The following ADAMTS16 variants were observed in gnomAD, a reference collection of about 807,000 sequenced individuals.
The protein encoded by ADAMTS16 is A disintegrin and metalloproteinase with thrombospondin motifs 16.
In ADAMTS16, 94 loss-of-function variants were observed where a neutral mutation model predicts 145.8. The observed-to-expected ratio is 0.64, with a 90% CI of 0.55 to 0.77. ADAMTS16 has a LOEUF of 0.77. Among genes scored for constraint, ADAMTS16 ranks in the 30% least tolerant of loss-of-function variants. The pLI is 0.00. For missense variants in ADAMTS16, 1,585 were observed against 1,591.5 expected (o/e 1.00, Z 0.07); for synonymous variants, 659 against 604.3 (o/e 1.09, Z -1.33).
intron 11 of ADAMTS16, 71 bp downstream of exon 11, chr5:5,222,955 C>A: frequency 7.2e-7 from 1 of 1,388,188 alleles, no homozygotes; most frequent in Non-Finnish European, 1.0e-6. Context: ...CTTTGCTCCT[C>A]TTGCATAGGT....
chr5:5,182,157 C>G lies in ADAMTS16; in HGVS notation c.615C>G (p.Tyr205Ter). 1 of 1,614,192 alleles carries G rather than the reference C, an allele frequency of 6.2e-7. No homozygotes were observed. Among genetic ancestry groups the G allele is most frequent in the Non-Finnish European group, 8.5e-7 (1 of 1,180,054 alleles). The change falls in exon 4 of 23, where the codon TAC becomes TAG. Residue 205 changes from tyrosine to a stop codon, truncating the protein, a stop_gained. Transcript: ENST00000274181. LOFTEE classifies it high-confidence loss of function. ...AQGSSPSHVL[Y>*]KRSTEPHAPG... ...GCAGCTCGCCATCCCACGTACTGTA[C>G]AAGAGATCCACAGAGCCCCATGCTC...
intron 8 of ADAMTS16, among the ~76,000 whole-genome samples, chr5:5,196,082 C>T (rs1316766705): frequency 6.6e-6 from 1 of 151,706 alleles, no homozygotes; most frequent in Admixed American, 6.6e-5. Context: ...AAAAATTAGC[C>T]GAGTGTGGTG....
At chr5:5,274,473 G>T (rs1339335014) in intron 18 of ADAMTS16, among the ~76,000 whole-genome samples, 2 of 152,132 alleles carry the variant, frequency 1.3e-5, no homozygotes, top group Non-Finnish European at 2.9e-5. Context: ...AACCTCTTCA[G>T]ATTGGCTTCT....
chr5:5,239,542 A>G (rs1737217848), intron 15 of ADAMTS16, 139 bp from the exon 16 acceptor site: 3 of 1,313,946 alleles, frequency 2.3e-6, no homozygotes, highest in Non-Finnish European at 3.1e-6. Context: ...TTCTAAGGCA[A>G]CTGATCACCA....
intron 3 of ADAMTS16, among the ~76,000 whole-genome samples, chr5:5,165,617 TAGG>T (rs1734854495): frequency 6.6e-6 from 1 of 152,022 alleles, no homozygotes; most frequent in Admixed American, 6.6e-5. Context: ...GCAAAACCGG[TAGG>T]AGAAGTACCA....
chr5:5,212,493 A>G (rs551653768), intron 10 of ADAMTS16, among the ~76,000 whole-genome samples: 1 of 152,170 alleles, frequency 6.6e-6, no homozygotes, highest in Non-Finnish European at 1.5e-5. Flanking sequence ...GTGCACATAC[A>G]TTTAGGATGG....
chr5:5,312,508 T>C (rs1444718205), intron 21 of ADAMTS16, among the ~76,000 whole-genome samples: 1 of 149,796 alleles, frequency 6.7e-6, no homozygotes, highest in Admixed American at 6.7e-5. Flanking sequence ...AGTGCAGTGG[T>C]GCAATCTCAG....
rs976932161 is a variant in ADAMTS16, at chr5:5,186,136, G to A, written c.848G>A (p.Arg283Lys). 3 of 1,613,986 alleles carry A rather than the reference G, an allele frequency of 1.9e-6. No individual in the cohort carries two copies. Among genetic ancestry groups the A allele is most frequent in the Non-Finnish European group, 2.5e-6 (3 of 1,180,044 alleles). The change falls in exon 5 of 23, where the codon AGG becomes AAG. Residue 283 changes from arginine to lysine, a missense_variant. Arg to Lys is a conservative substitution (Grantham distance 26). This residue lies in a region of ADAMTS16 where 453 missense variants were observed against 412.1 expected (regional missense o/e 1.10). Coordinates refer to ENST00000274181, the MANE Select transcript of ADAMTS16 (RefSeq NM_139056.4). ...TTACGGCATAAGCGCTCTCTTCTGA[G>A]GTCCCATAGAAATGAAGAACTGAAC... ...SCLRHKRSLL[R>K]SHRNEELNVE...
intron 18 of ADAMTS16, among the ~76,000 whole-genome samples, chr5:5,290,583 G>A (rs1739268298): frequency 1.3e-5 from 2 of 152,272 alleles, no homozygotes; most frequent in South Asian, 4.1e-4. Flanking sequence ...CAGGGAGGCA[G>A]AGGTTGCAGT....
Position 5,200,167 on chromosome 5 carries a change from G to A in ADAMTS16, c.1349G>A (p.Cys450Tyr). The change falls in exon 9 of 23, where the codon TGC becomes TAC. Residue 450 changes from cysteine to tyrosine, a missense_variant. Coordinates refer to ENST00000274181, the MANE Select transcript of ADAMTS16 (RefSeq NM_139056.4). ...ATTCATGATGGAGAAGGGAACATGT[G>A]CAAAAAGTCCGAGGGCAACATCATG... ...GMIHDGEGNM[C>Y]KKSEGNIMSP... is the part of the protein sequence containing the mutation. 6.2e-7 allele frequency: 1 copy of A among 1,613,666 alleles called. No individual in the cohort carries two copies. The highest frequency in any genetic ancestry group is 8.5e-7 in the Non-Finnish European group (1 of 1,179,848).
intron 18 of ADAMTS16, among the ~76,000 whole-genome samples, chr5:5,270,594 AAC>A (rs1445498224): frequency 6.6e-6 from 1 of 152,270 alleles, no homozygotes; most frequent in Non-Finnish European, 1.5e-5. Flanking sequence ...CCATGGCAAA[AAC>A]ACAGAATAAT....
chr5:5,298,587 G>A (rs1739643497), intron 18 of ADAMTS16, among the ~76,000 whole-genome samples: 2 of 152,328 alleles, frequency 1.3e-5, no homozygotes, highest in South Asian at 2.1e-4. Flanking sequence ...GCTTACAGCC[G>A]GCCTGCACTC....
intron 16 of ADAMTS16, among the ~76,000 whole-genome samples, chr5:5,241,164 A>G (rs1043667497): frequency 1.3e-5 from 2 of 152,038 alleles, no homozygotes; most frequent in African/African-American, 2.4e-5. Flanking sequence ...GAGGGTGAGG[A>G]TCTTTTTCTA....
intron 3 of ADAMTS16, among the ~76,000 whole-genome samples, chr5:5,168,742 AATATAATT>A (rs1404025609): frequency 2.9e-5 from 4 of 137,678 alleles, no homozygotes. Context: ...AATTATATAA[AATATAATT>A]ATATAATTAT....
intron 3 of ADAMTS16, among the ~76,000 whole-genome samples, chr5:5,181,814 C>T (rs557668445): frequency 2.6e-5 from 4 of 152,314 alleles, no homozygotes; most frequent in Admixed American, 2.0e-4. Flanking sequence ...AGCAGCTCCA[C>T]GCCAGCCTTT....
At chr5:5,299,983 C>T (rs528970462) in intron 18 of ADAMTS16, among the ~76,000 whole-genome samples, 10 of 152,252 alleles carry the variant, frequency 6.6e-5, no homozygotes, top group Admixed American at 3.3e-4. Context: ...GTTTTTTAAA[C>T]AAAACAGACA....
intron 4 of ADAMTS16, among the ~76,000 whole-genome samples, chr5:5,182,557 T>C (rs1735371515): frequency 6.6e-6 from 1 of 152,172 alleles, no homozygotes; most frequent in South Asian, 2.1e-4. Context: ...GTAGATTAAA[T>C]GACACAGTGT....
At chr5:5,248,318 G>C (rs1024637336) in intron 17 of ADAMTS16, among the ~76,000 whole-genome samples, 1 of 152,246 alleles carries the variant, frequency 6.6e-6, no homozygotes, top group East Asian at 1.9e-4. Context: ...ATTTTTAAGC[G>C]GTTTCCAAAG....
At position 5,185,993 on chromosome 5, in the gene ADAMTS16, C is replaced by T. The variant is rs565024983; in HGVS notation, c.764-59C>T. On this transcript the variant is annotated intron_variant, in intron 4 of 22. Transcript: ENST00000274181. ...GACCAAATTTCTCTATGACGAGTTA[C>T]GGCCCTGATTTTGTGTGTGACTTGT... 4.4e-5 allele frequency: 64 copies of T among 1,450,418 alleles called. No individual in the cohort carries two copies. In the East Asian group the frequency reaches 1.2e-3, roughly 28 times the overall value. The allele number at this position is 1,450,418 out of a possible 1,614,324, so 89.8% of individuals were successfully genotyped here. A position where few individuals can be genotyped will look rare whatever the true frequency, so the allele number is the denominator to read the frequency against.
Sources: allele counts gnomAD v4.1 joint callset (sites outside exome capture counted in the v4.1 genomes callset), GRCh38; gene constraint gnomAD v4.1.1; regional missense constraint gnomAD v4.1.1; transcripts MANE v1.5; gene names NCBI Gene and HGNC (gene_info 2026-07-23, HGNC 2026-07-21).